The following BLNK variants were observed in gnomAD, a reference collection of about 807,000 sequenced individuals.
The protein encoded by BLNK is B cell linker, also known as B-cell linker protein.
A neutral mutation model predicts 73.5 loss-of-function variants in BLNK; 29 were observed. That is an observed-to-expected ratio of 0.39 (90% CI 0.29 to 0.54). The LOEUF (loss-of-function observed/expected upper bound fraction) is 0.54. BLNK is among the 20% of genes least tolerant of loss of function. The pLI, the probability that BLNK is intolerant of heterozygous loss-of-function variation, is 0.61. For synonymous variants in BLNK, 176 were observed against 200.8 expected (o/e 0.88, Z 1.04); for missense variants, 460 against 562.8 (o/e 0.82, Z 1.85).
At chr10:96,268,673 G>A (rs538333926) in intron 1 of BLNK, among the ~76,000 whole-genome samples, 2 of 152,156 alleles carry the variant, frequency 1.3e-5, no homozygotes, top group African/African-American at 2.4e-5. Flanking sequence ...AGAATTCCTT[G>A]TCTCCTTCCA....
At chr10:96,269,700 CT>C (rs1162407918) in intron 1 of BLNK, among the ~76,000 whole-genome samples, 8 of 152,312 alleles carry the variant, frequency 5.3e-5, no homozygotes, top group Non-Finnish European at 1.0e-4. Context: ...TGTTCTCCAA[CT>C]CCCTATGGTC....
intron 1 of BLNK, among the ~76,000 whole-genome samples, chr10:96,262,332 A>C (rs1843793858): frequency 6.6e-6 from 1 of 152,220 alleles, no homozygotes; most frequent in African/African-American, 2.4e-5. Context: ...GCACCAGGGA[A>C]GCACAGACCA....
rs1284196108 is a variant in BLNK at position 96,190,751 on chromosome 10, A to T, written c.*1222T>A. ...ATCACTTCACTGCTGTCTGAAGTAC[A>T]CAGTAGAAATATATGACAAAGTATG... On this transcript the variant is annotated 3_prime_UTR_variant, in exon 17 of 17. Transcript: ENST00000224337. 6.6e-6 allele frequency among the ~76,000 whole-genome samples: 1 copy of T among 152,212 alleles called. No individual in the cohort carries two copies. The highest frequency in any genetic ancestry group is 1.5e-5 in the Non-Finnish European group (1 of 68,040).
chr10:96,232,845 C>T (rs1368021162), intron 3 of BLNK, among the ~76,000 whole-genome samples: 2 of 147,918 alleles, frequency 1.4e-5, no homozygotes, highest in Admixed American at 6.8e-5. Context: ...GACAGAGTCT[C>T]ACTGTGTTGC....
At chr10:96,230,689 CTTG>C in intron 4 of BLNK, 102 bp downstream of exon 4, 1 of 1,360,722 alleles carries the variant, frequency 7.3e-7, no homozygotes, top group Non-Finnish European at 1.0e-6. Flanking sequence ...AGTCTTCCCT[CTTG>C]GGACGTGCGG....
intron 1 of BLNK, among the ~76,000 whole-genome samples, chr10:96,270,819 A>G (rs189764493): frequency 6.6e-6 from 1 of 152,254 alleles, no homozygotes; most frequent in African/African-American, 2.4e-5. Context: ...GAGGCTTGTT[A>G]TGGATATTGT....
chr10:96,253,786 C>T (rs563662673), intron 1 of BLNK, among the ~76,000 whole-genome samples: 17 of 151,948 alleles, frequency 1.1e-4, no homozygotes, highest in Middle Eastern at 3.4e-3. Flanking sequence ...GAGGCCAAGG[C>T]GGGCCGATCA....
intron 11 of BLNK, 69 bp downstream of exon 11, chr10:96,206,942 T>A (rs1309294802): frequency 6.9e-7 from 1 of 1,446,168 alleles, no homozygotes; most frequent in Non-Finnish European, 9.7e-7. Context: ...GTAATAAATG[T>A]GTACATACAA....
In BLNK at chr10:96,241,699, C is replaced by G. The variant is rs587692908; in HGVS notation, c.163+1036G>C. On this transcript the variant is annotated intron_variant, in intron 3 of 16. Coordinates refer to ENST00000224337, the MANE Select transcript of BLNK (RefSeq NM_013314.4). ...GAATTCCACCCAACTTTGTGCTTCC[C>G]CTATCACTGAATTGTAATTACTTTT... is the stretch of plus-strand genomic sequence containing the variant. 3.3e-5 allele frequency among the ~76,000 whole-genome samples: 5 copies of G among 152,022 alleles called. No individual in the cohort carries two copies. The South Asian group carries it at 8.3e-4, about 25-fold the overall frequency.
intron 3 of BLNK, among the ~76,000 whole-genome samples, chr10:96,240,667 T>C (rs587665543): frequency 7.6e-4 from 115 of 152,284 alleles, no homozygotes; most frequent in African/African-American, 2.6e-3. Context: ...TGCCTGTCCC[T>C]TGCTAGACCA....
chr10:96,204,665 T>C, intron 11 of BLNK, 49 bp from the exon 12 acceptor site: 1 of 1,588,044 alleles, frequency 6.3e-7, no homozygotes, highest in Non-Finnish European at 8.6e-7. Context: ...ATGTCTGTCC[T>C]CATCCCAAAA....
At chr10:96,270,981 T>C (rs2134165344) in intron 1 of BLNK, among the ~76,000 whole-genome samples, 1 of 152,340 alleles carries the variant, frequency 6.6e-6, no homozygotes, top group East Asian at 1.9e-4. Flanking sequence ...ATAAAATGGG[T>C]GAGGACTCAG....
At chr10:96,201,740 ATTCATTCATTCATT>A (rs2083644835) in intron 13 of BLNK, among the ~76,000 whole-genome samples, 3 of 148,074 alleles carry the variant, frequency 2.0e-5, no homozygotes, top group Non-Finnish European at 4.4e-5. Flanking sequence ...ACTTATCTGC[ATTCATTCATTCATT>A]CATTCATTCA....
chr10:96,235,886 A>G (rs1842670799), intron 3 of BLNK, among the ~76,000 whole-genome samples: 1 of 151,996 alleles, frequency 6.6e-6, no homozygotes, highest in Admixed American at 6.6e-5. Context: ...GAGCGCTCAC[A>G]CAAATCTGAT....
intron 6 of BLNK, among the ~76,000 whole-genome samples, chr10:96,218,079 G>A (rs1466090816): frequency 1.1e-4 from 17 of 152,146 alleles, no homozygotes; most frequent in African/African-American, 3.4e-4. Flanking sequence ...CTATTGAATC[G>A]TCTTAGCACT....
chr10:96,192,389 T>C (rs1249090633), intron 16 of BLNK, among the ~76,000 whole-genome samples: 1 of 152,174 alleles, frequency 6.6e-6, no homozygotes, highest in Non-Finnish European at 1.5e-5. Context: ...TATTTACCGT[T>C]AAATGTAAAA....
intron 11 of BLNK, among the ~76,000 whole-genome samples, chr10:96,206,412 G>A (rs1377905570): frequency 1.3e-5 from 2 of 151,906 alleles, no homozygotes; most frequent in African/African-American, 2.4e-5. Flanking sequence ...ATTTTTGAGT[G>A]ATGATAAAGG....
In BLNK at chr10:96,229,654, CTGTGTGTGTGTGTG is replaced by C. The variant is rs10625497; in HGVS notation, c.204+1126_204+1139del. ...AGCAATTTCTTTGCTTTACATGTGG[CTGTGTGTGTGTGTG>C]TGTGTGTGTGTGTGTGTGTTCGTGT... is the stretch of plus-strand genomic sequence containing the variant. On this transcript the variant is annotated intron_variant, in intron 4 of 16. Coordinates refer to ENST00000224337, the MANE Select transcript of BLNK (RefSeq NM_013314.4). Among the ~76,000 whole-genome samples, 7 of 142,664 alleles carry C rather than the reference CTGTGTGTGTGTGTG, an allele frequency of 4.9e-5. No individual in the cohort carries two copies. In the South Asian group the frequency reaches 1.6e-3, roughly 33 times the overall value. The allele number at this position is 142,664 out of a possible 152,430, so 93.6% of individuals were successfully genotyped here. A position where few individuals can be genotyped will look rare whatever the true frequency, so the allele number is the denominator to read the frequency against.
chr10:96,208,864 G>A (rs2083883330), intron 9 of BLNK, among the ~76,000 whole-genome samples: 1 of 152,166 alleles, frequency 6.6e-6, no homozygotes, highest in Non-Finnish European at 1.5e-5. Flanking sequence ...TTTGCCCAAA[G>A]TGATACAGCT....
Sources: gnomAD v4.1 joint callset for allele counts (sites outside exome capture counted in the v4.1 genomes callset) on GRCh38, gnomAD v4.1.1 for gene constraint, MANE v1.5 for transcripts, NCBI Gene and HGNC (gene_info 2026-07-23, HGNC 2026-07-21) for gene names.